Variants in RIPOR2 observed in about 807,000 individuals in gnomAD.
RIPOR2 encodes the protein RHO family interacting cell polarization regulator 2.
Under a neutral mutation model 114.5 loss-of-function variants are expected in RIPOR2, and 39 were observed. The observed-to-expected ratio is 0.34, with a 90% CI of 0.26 to 0.44. RIPOR2 has a LOEUF of 0.44. Among genes scored for constraint, RIPOR2 ranks in the 20% least tolerant of loss-of-function variants. The probability of loss-of-function intolerance (pLI) is 1.00; values close to 1 mark genes in which losing one functional copy is unlikely to be tolerated. For synonymous variants in RIPOR2, 445 were observed against 484.4 expected (o/e 0.92, Z 1.07); for missense variants, 1,007 against 1,255.1 (o/e 0.80, Z 2.99).
intron 8 of RIPOR2, among the ~76,000 whole-genome samples, chr6:24,856,579 ACTC>A (rs1183584107): frequency 1.3e-5 from 2 of 152,050 alleles, no homozygotes; most frequent in African/African-American, 4.8e-5. Flanking sequence ...ACATGGAGAA[ACTC>A]TGTCTCTACT....
rs1765437082 is a variant in RIPOR2 at position 24,873,718 on chromosome 6, T to C, written c.270A>G (p.Lys90=). 2 of 1,613,770 alleles carry C rather than the reference T, an allele frequency of 1.2e-6. No individual in the cohort carries two copies. The highest frequency in any genetic ancestry group is 1.7e-6 in the Non-Finnish European group (2 of 1,179,858). The change falls in exon 3 of 22, where the codon AAA becomes AAG. Residue 90 remains lysine (K), a synonymous_variant. Transcript: ENST00000643898. The part of the protein sequence containing the change: ...KLKKMHNLGH[K]NNNPPKEPQP... ...GAGGCTCTTTGGGGGGATTGTTGTT[T>C]TTGTGGCCTAAATTGTGCATTTTCT...
exon 1 of RIPOR2, chr6:25,041,935 C>T (rs1777473963): frequency 4.3e-6 from 3 of 702,180 alleles, no homozygotes; most frequent in Non-Finnish European, 5.2e-6. Flanking sequence ...ATGGTCCCAA[C>T]AGAGCGGCCT....
chr6:24,980,849 A>G (rs1362388597), intron 1 of RIPOR2, among the ~76,000 whole-genome samples: 2 of 152,184 alleles, frequency 1.3e-5, no homozygotes, highest in Non-Finnish European at 2.9e-5. Flanking sequence ...GGATGGGAGC[A>G]GAGAAGGTGA....
intron 1 of RIPOR2, chr6:25,041,704 C>T: frequency 1.0e-5 from 6 of 588,132 alleles, no homozygotes; most frequent in Admixed American, 6.3e-5. Flanking sequence ...ATACCAAAGT[C>T]CATTGGAAAA....
chr6:25,031,700 TATA>T (rs1441923652), intron 1 of RIPOR2, among the ~76,000 whole-genome samples: 34 of 1,466 alleles, frequency 0.023, no homozygotes, highest in African/African-American at 0.041. Flanking sequence ...AGGTGGTAGT[TATA>T]TATATATATA....
chr6:24,874,321 G>T (rs1165393269), intron 2 of RIPOR2, among the ~76,000 whole-genome samples: 1 of 152,020 alleles, frequency 6.6e-6, no homozygotes, highest in Non-Finnish European at 1.5e-5. Flanking sequence ...ATGTTGCCCA[G>T]GCTGGTCTTG....
chr6:24,959,355 A>T (rs1180743686), intron 1 of RIPOR2, among the ~76,000 whole-genome samples: 1 of 152,202 alleles, frequency 6.6e-6, no homozygotes, highest in African/African-American at 2.4e-5. Flanking sequence ...TTCATTTCAG[A>T]ATTTTCTGAG....
intron 1 of RIPOR2, among the ~76,000 whole-genome samples, chr6:24,915,380 A>C (rs1490938518): frequency 7.7e-6 from 1 of 130,208 alleles, no homozygotes; most frequent in South Asian, 2.3e-4. Context: ...TTTGAGATGG[A>C]GTCTCGCTCT....
intron 1 of RIPOR2, chr6:24,877,111 A>G (rs1037792473): frequency 2.2e-5 from 22 of 985,426 alleles, no homozygotes; most frequent in Non-Finnish European, 2.5e-5. Context: ...AAAGAAAGAA[A>G]AGCTAAAAAA....
chr6:25,032,872 G>T (rs893279526), intron 1 of RIPOR2, among the ~76,000 whole-genome samples: 1 of 152,162 alleles, frequency 6.6e-6, no homozygotes, highest in Non-Finnish European at 1.5e-5. Context: ...ACATAAAAAG[G>T]TACCCAAGTT....
intron 1 of RIPOR2, among the ~76,000 whole-genome samples, chr6:24,989,771 G>C (rs9366591): frequency 0.61 from 93,227 of 151,718 alleles, 28,787 homozygotes; most frequent in East Asian, 0.79. Flanking sequence ...CTGGCTGGGC[G>C]CGGTGATCCC....
chr6:25,024,488 G>A (rs1283177224), intron 1 of RIPOR2: 2 of 826,110 alleles, frequency 2.4e-6, no homozygotes, highest in African/African-American at 1.7e-5. Context: ...TGGACATAGT[G>A]TCTGGGATTG....
In RIPOR2 at chr6:24,858,982, A is replaced by G. The variant is rs1005250329; in HGVS notation, c.715+1991T>C. Among the ~76,000 whole-genome samples the G allele has an allele frequency of 1.3e-5, 2 of 152,134 alleles. No homozygotes were observed. Among genetic ancestry groups the G allele is most frequent in the African/African-American group, 4.8e-5 (2 of 41,412 alleles). Reference sequence around the variant, plus strand: ...GTTGGAGAGGATCTGCCCGTGAGGGAGACCATTCTTTGAGCAATGGTTTAT... The same window carrying G: ...GTTGGAGAGGATCTGCCCGTGAGGGGGACCATTCTTTGAGCAATGGTTTAT... On this transcript the variant is annotated intron_variant, in intron 8 of 21. Transcript: ENST00000643898. This position sits in a 1 kb window ranked among gnomAD's most constrained non-coding sequence, Gnocchi z 4.0.
intron 1 of RIPOR2, among the ~76,000 whole-genome samples, chr6:24,953,763 A>C (rs753217070): frequency 6.6e-6 from 1 of 152,234 alleles, no homozygotes; most frequent in African/African-American, 2.4e-5. Flanking sequence ...ACATTCCCCC[A>C]GTTTATGAAC....
chr6:24,874,399 C>T (rs2113893914), intron 2 of RIPOR2, among the ~76,000 whole-genome samples: 1 of 152,348 alleles, frequency 6.6e-6, no homozygotes, highest in Non-Finnish European at 1.5e-5. Flanking sequence ...GCATGAGCCA[C>T]TGTGCCTGAC....
chr6:24,830,444 C>G, intron 17 of RIPOR2, 65 bp downstream of exon 17: 1 of 1,375,830 alleles, frequency 7.3e-7, no homozygotes, highest in Non-Finnish European at 1.0e-6. Flanking sequence ...TCTCCCCCGA[C>G]CCCCACCCCA....
intron 18 of RIPOR2, among the ~76,000 whole-genome samples, chr6:24,826,699 T>A (rs1294914922): frequency 1.3e-5 from 2 of 152,072 alleles, no homozygotes; most frequent in Non-Finnish European, 2.9e-5. Flanking sequence ...GAACTATTAA[T>A]CTCATAACTA....
intron 1 of RIPOR2, among the ~76,000 whole-genome samples, chr6:24,990,462 T>G (rs1353164760): frequency 6.6e-6 from 1 of 152,256 alleles, no homozygotes; most frequent in Non-Finnish European, 1.5e-5. Context: ...TATGGCCTCA[T>G]GGTCTCAAGA....
chr6:24,831,921 G>T (rs1369243332), intron 16 of RIPOR2, among the ~76,000 whole-genome samples: 1 of 152,180 alleles, frequency 6.6e-6, no homozygotes, highest in Non-Finnish European at 1.5e-5. Context: ...GCCACCTCCA[G>T]GGTGCAAGAG....
Sources: gnomAD v4.1 joint callset for allele counts (sites outside exome capture counted in the v4.1 genomes callset) on GRCh38, gnomAD v4.1.1 for gene constraint, Gnocchi (gnomAD v3.1) non-coding constraint, MANE v1.5 for transcripts, NCBI Gene and HGNC (gene_info 2026-07-23, HGNC 2026-07-21) for gene names.